Variants in ROBO1 observed in about 807,000 individuals in gnomAD.
The protein encoded by ROBO1 is roundabout guidance receptor 1.
In ROBO1, 149 loss-of-function variants were observed where a neutral mutation model predicts 195.9. The ratio of observed to expected loss-of-function variants is 0.76; its 90% CI spans 0.67 to 0.87. The LOEUF (loss-of-function observed/expected upper bound fraction) is 0.87. Among genes scored for constraint, ROBO1 ranks in the 40% least tolerant of loss-of-function variants. The pLI is 0.00. For synonymous variants in ROBO1, 816 were observed against 733.2 expected (o/e 1.11, Z -1.82); for missense variants, 1,933 against 2,068.3 (o/e 0.93, Z 1.27).
In ROBO1 at chr3:78,668,502, C is replaced by T. The variant is rs752516128; in HGVS notation, c.1612G>A (p.Ala538Thr). Residue 538 changes from alanine (A) to threonine (T), a missense_variant, in exon 12 of 31, where the codon GCT becomes ACT. By Grantham distance (58) the Ala-to-Thr change is moderately conservative (BLOSUM62 0). Coordinates refer to ENST00000464233, the MANE Select transcript of ROBO1 (RefSeq NM_002941.4). ...ACTTTACCTTGAACTTCAATGTAAGCACTCCATGTTGCTTCACCACTGGGG... is the reference window on the plus strand; with the variant it reads ...ACTTTACCTTGAACTTCAATGTAAGTACTCCATGTTGCTTCACCACTGGGG... ...STPSGEATWS[A>T]YIEVQEFGVP... 1.9e-6 allele frequency: 3 copies of T among 1,613,822 alleles called. No individual in the cohort carries two copies. The highest frequency in any genetic ancestry group is 2.2e-5 in the East Asian group (1 of 44,880).
At chr3:78,717,446 T>C (rs777985118) in intron 6 of ROBO1, 33 bp from the exon 7 acceptor site, 1 of 1,601,470 alleles carries the variant, frequency 6.2e-7, no homozygotes, top group Non-Finnish European at 8.5e-7. Context: ...TAAGGTAAAA[T>C]TTTAAAATGA....
chr3:79,530,327 T>A (rs1164232331), intron 2 of ROBO1, among the ~76,000 whole-genome samples: 5 of 152,104 alleles, frequency 3.3e-5, no homozygotes, highest in African/African-American at 1.2e-4. Flanking sequence ...CTCAAATATA[T>A]ATCATCAGCC....
chr3:79,049,014 C>T (rs2078647424), intron 3 of ROBO1, among the ~76,000 whole-genome samples: 1 of 152,116 alleles, frequency 6.6e-6, no homozygotes, highest in Non-Finnish European at 1.5e-5. Flanking sequence ...CACATCCTCA[C>T]CAGCAAGGGA....
intron 3 of ROBO1, among the ~76,000 whole-genome samples, chr3:78,999,302 C>T (rs2077441126): frequency 6.6e-6 from 1 of 152,080 alleles, no homozygotes; most frequent in Non-Finnish European, 1.5e-5. Context: ...TGGAACCAAC[C>T]TAGGTGCCCA....
intron 4 of ROBO1, among the ~76,000 whole-genome samples, chr3:78,925,821 A>G (rs2039181458): frequency 6.6e-6 from 1 of 151,990 alleles, no homozygotes; most frequent in Non-Finnish European, 1.5e-5. Context: ...GTGGGGATAA[A>G]GAAAAAGAGC....
At chr3:78,742,435 C>A (rs1042043268) in intron 5 of ROBO1, among the ~76,000 whole-genome samples, 1 of 151,828 alleles carries the variant, frequency 6.6e-6, no homozygotes, top group East Asian at 1.9e-4. Flanking sequence ...TGTTTATGTT[C>A]TAAGTTTTTG....
chr3:79,095,848 G>T (rs2079557142), intron 3 of ROBO1, among the ~76,000 whole-genome samples: 1 of 151,870 alleles, frequency 6.6e-6, no homozygotes, highest in Non-Finnish European at 1.5e-5. Flanking sequence ...ACTCTTGGAG[G>T]TTTCCCTAAT....
At chr3:78,984,478 TAATC>T (rs1370573382) in intron 3 of ROBO1, among the ~76,000 whole-genome samples, 2 of 152,218 alleles carry the variant, frequency 1.3e-5, no homozygotes, top group East Asian at 3.9e-4. Flanking sequence ...TACAAGCAAA[TAATC>T]AATAATACTT....
At chr3:79,334,530 G>T in intron 2 of ROBO1, among the ~76,000 whole-genome samples, 1 of 151,582 alleles carries the variant, frequency 6.6e-6, no homozygotes, top group Non-Finnish European at 1.5e-5. Flanking sequence ...GTAGATGTTC[G>T]ATAAACTTGT....
At chr3:79,139,161 A>G in intron 2 of ROBO1, among the ~76,000 whole-genome samples, 1 of 151,634 alleles carries the variant, frequency 6.6e-6, no homozygotes, top group East Asian at 1.9e-4. Context: ...TTATGCTATT[A>G]TATATGTATA....
intron 2 of ROBO1, among the ~76,000 whole-genome samples, chr3:79,408,736 T>A (rs1188636139): frequency 2.6e-5 from 4 of 152,162 alleles, no homozygotes; most frequent in Admixed American, 6.5e-5. Flanking sequence ...AGAAAATAAT[T>A]AAGTTTTAAA....
intron 2 of ROBO1, among the ~76,000 whole-genome samples, chr3:79,363,917 CT>C (rs2035864734): frequency 6.6e-6 from 1 of 152,104 alleles, no homozygotes. Flanking sequence ...CGGTCCAAAT[CT>C]GATGGATTAA....
chr3:78,832,118 G>A (rs2108744635), intron 4 of ROBO1, among the ~76,000 whole-genome samples: 1 of 152,232 alleles, frequency 6.6e-6, no homozygotes, highest in East Asian at 1.9e-4. Context: ...TACCTGTGAA[G>A]CTGTTTTAAA....
intron 1 of ROBO1, among the ~76,000 whole-genome samples, chr3:79,700,519 CTTCAACCTCGCCAGCATCTG>C (rs1376278001): frequency 1.3e-4 from 20 of 151,736 alleles, no homozygotes; most frequent in African/African-American, 4.8e-4. Flanking sequence ...TCACTTTATT[CTTCAACCTCGCCAGCATCTG>C]TTGTTGTTTG....
At chr3:79,137,233 G>A (rs1243980673) in intron 2 of ROBO1, among the ~76,000 whole-genome samples, 1 of 151,964 alleles carries the variant, frequency 6.6e-6, no homozygotes, top group Non-Finnish European at 1.5e-5. Flanking sequence ...GTGACTGGAT[G>A]GTTCTTTCAA....
intron 5 of ROBO1, among the ~76,000 whole-genome samples, chr3:78,723,567 G>A (rs999722481): frequency 1.4e-4 from 21 of 152,166 alleles, no homozygotes; most frequent in Non-Finnish European, 2.4e-4. Context: ...CCAAAACAGC[G>A]GTTCTTAATG....
At chr3:79,703,176 C>G (rs1294032319) in intron 1 of ROBO1, among the ~76,000 whole-genome samples, 1 of 151,834 alleles carries the variant, frequency 6.6e-6, no homozygotes, top group Non-Finnish European at 1.5e-5. Context: ...TTGATCATTT[C>G]TATGCTTTCT....
intron 2 of ROBO1, among the ~76,000 whole-genome samples, chr3:79,325,117 A>G (rs1271857523): frequency 6.6e-6 from 1 of 152,236 alleles, no homozygotes; most frequent in Non-Finnish European, 1.5e-5. Flanking sequence ...AAATTCTATA[A>G]ACACTGAATC....
At chr3:78,641,266 A>G (rs954889580) in intron 21 of ROBO1, among the ~76,000 whole-genome samples, 2 of 152,108 alleles carry the variant, frequency 1.3e-5, no homozygotes, top group African/African-American at 2.4e-5. Flanking sequence ...ACTTAAAGTG[A>G]GTGAGTGGCA....
Sources: gnomAD v4.1 joint callset for allele counts (sites outside exome capture counted in the v4.1 genomes callset) on GRCh38, gnomAD v4.1.1 for gene constraint, MANE v1.5 for transcripts, NCBI Gene and HGNC (gene_info 2026-07-23, HGNC 2026-07-21) for gene names.